Variants in WNK3 observed in about 807,000 individuals in gnomAD.
WNK3 encodes the protein serine/threonine-protein kinase WNK3.
A neutral mutation model predicts 116.7 loss-of-function variants in WNK3; 18 were observed. That is an observed-to-expected ratio of 0.15 (90% CI 0.11 to 0.23). The LOEUF is 0.23. Among genes scored for constraint, WNK3 ranks in the 10% least tolerant of loss-of-function variants. The pLI, the probability that WNK3 is intolerant of heterozygous loss-of-function variation, is 1.00. For missense variants in WNK3, 993 were observed against 1,323.8 expected (o/e 0.75, Z 3.88); for synonymous variants, 404 against 469.4 (o/e 0.86, Z 1.80).
At chrX:54,354,626 T>C (rs782741442) in intron 1 of WNK3, among the ~76,000 whole-genome samples, 8 of 111,114 alleles carry the variant, frequency 7.2e-5, no homozygotes, top group Non-Finnish European at 1.1e-4. Context: ...CAAACCACCA[T>C]GGCACGCGTT....
intron 5 of WNK3, among the ~76,000 whole-genome samples, chrX:54,304,414 A>G (rs1220994293): frequency 9.2e-6 from 1 of 109,188 alleles, no homozygotes; most frequent in African/African-American, 3.3e-5. Context: ...GGTGGTGTGT[A>G]CCTGTGGTCC....
intron 1 of WNK3, among the ~76,000 whole-genome samples, chrX:54,341,724 T>C (rs1239756698): frequency 8.9e-6 from 1 of 112,040 alleles, no homozygotes; most frequent in Non-Finnish European, 1.9e-5. Context: ...TGATTTCATT[T>C]ATATGAAATG....
chrX:54,275,047 G>A (rs782121946), intron 10 of WNK3, among the ~76,000 whole-genome samples: 31 of 105,463 alleles, frequency 2.9e-4, no homozygotes, highest in African/African-American at 1.1e-3. Flanking sequence ...GGGCCTAGTG[G>A]CTCACGTCTG....
chrX:54,257,988 T>C (rs1557155918), intron 11 of WNK3, among the ~76,000 whole-genome samples: 1 of 108,863 alleles, frequency 9.2e-6, no homozygotes, highest in Non-Finnish European at 1.9e-5. Context: ...CTAACAAGAA[T>C]AAGATGAGGC....
chrX:54,263,868 A>G (rs2068282170), intron 10 of WNK3, among the ~76,000 whole-genome samples: 1 of 110,006 alleles, frequency 9.1e-6, no homozygotes, highest in South Asian at 3.9e-4. Context: ...GTATAAGGCC[A>G]ATTGTTGGTG....
chrX:54,345,330 T>G (rs2069408108), intron 1 of WNK3, among the ~76,000 whole-genome samples: 1 of 107,366 alleles, frequency 9.3e-6, no homozygotes, highest in Non-Finnish European at 1.9e-5. Flanking sequence ...ATGTATGTAT[T>G]TGAGTGGATT....
chrX:54,256,762 C>T (rs926656380), intron 11 of WNK3, among the ~76,000 whole-genome samples: 1 of 112,175 alleles, frequency 8.9e-6, no homozygotes, highest in African/African-American at 3.2e-5. Context: ...GTCCATATGA[C>T]GTATGACATA....
chrX:54,237,219 C>G, exon 20 of WNK3: 1 of 1,211,960 alleles, frequency 8.3e-7, no homozygotes, highest in African/African-American at 1.7e-5. Context: ...ATCCAGACTG[C>G]ATGCTACTTC....
At chrX:54,236,029 G>A (rs1193150601) in intron 20 of WNK3, among the ~76,000 whole-genome samples, 6 of 112,155 alleles carry the variant, frequency 5.3e-5, no homozygotes, top group South Asian at 3.6e-4. Context: ...TGCTAGGAGG[G>A]AGACTACTGG....
chrX:54,349,706 TAGTAAG>T (rs1336634828), intron 1 of WNK3, among the ~76,000 whole-genome samples: 4 of 111,458 alleles, frequency 3.6e-5, no homozygotes, highest in African/African-American at 1.3e-4. Flanking sequence ...CATATAGTTA[TAGTAAG>T]TTAAACAATG....
At chrX:54,241,142 T>G (rs1381197438) in intron 17 of WNK3, among the ~76,000 whole-genome samples, 1 of 111,579 alleles carries the variant, frequency 9.0e-6, no homozygotes, top group Non-Finnish European at 1.9e-5. Context: ...AGGTCAACGA[T>G]GTAGGAAGGA....
intron 2 of WNK3, among the ~76,000 whole-genome samples, chrX:54,315,793 T>C (rs1189454921): frequency 8.9e-6 from 1 of 111,882 alleles, no homozygotes; most frequent in East Asian, 2.8e-4. Context: ...TCTGAGTCCT[T>C]GATTTACTCA....
intron 17 of WNK3, among the ~76,000 whole-genome samples, chrX:54,240,993 A>T (rs1316333439): frequency 8.9e-6 from 1 of 111,757 alleles, no homozygotes; most frequent in Non-Finnish European, 1.9e-5. Context: ...TGGAAGAATG[A>T]ACTGGTTGGG....
At chrX:54,305,670 G>C (rs2068815772) in intron 5 of WNK3, among the ~76,000 whole-genome samples, 1 of 110,328 alleles carries the variant, frequency 9.1e-6, no homozygotes, top group African/African-American at 3.3e-5. Context: ...ATTATCAGTA[G>C]CTGCGGGAAG....
At chrX:54,263,645 T>C (rs2068279975) in intron 10 of WNK3, among the ~76,000 whole-genome samples, 1 of 111,679 alleles carries the variant, frequency 9.0e-6, no homozygotes, top group African/African-American at 3.2e-5. Context: ...TAAATAACTT[T>C]CCTCAAGTCA....
intron 22 of WNK3, among the ~76,000 whole-genome samples, chrX:54,224,797 C>T (rs1426034953): frequency 2.7e-5 from 3 of 110,686 alleles, no homozygotes; most frequent in African/African-American, 9.9e-5. Flanking sequence ...TCTTGATCTC[C>T]TGACCTTGTG....
chrX:54,309,207 G>A (rs2068858875), exon 4 of WNK3: 4 of 1,210,605 alleles, frequency 3.3e-6, no homozygotes, highest in Non-Finnish European at 4.5e-6. Context: ...TCAGATCCCG[G>A]TGAATAATAG....
intron 10 of WNK3, among the ~76,000 whole-genome samples, chrX:54,265,548 G>C (rs2068300428): frequency 9.0e-6 from 1 of 111,509 alleles, no homozygotes; most frequent in Non-Finnish European, 1.9e-5. Context: ...TTGTGCAGGG[G>C]AGTCCAGATC....
intron 2 of WNK3, among the ~76,000 whole-genome samples, chrX:54,314,023 C>T (rs2068919623): frequency 2.8e-5 from 3 of 107,968 alleles, no homozygotes; most frequent in African/African-American, 1.0e-4. Context: ...GAAACCCTGT[C>T]TCTAATAAAA....
Sources: allele counts gnomAD v4.1 joint callset (sites outside exome capture counted in the v4.1 genomes callset), GRCh38; gene constraint gnomAD v4.1.1; transcripts MANE v1.5; gene names NCBI Gene and HGNC (gene_info 2026-07-23, HGNC 2026-07-21).